The following XPC variants were observed in gnomAD, a reference collection of about 807,000 sequenced individuals.
XPC encodes the protein DNA repair protein complementing XP-C cells.
In XPC, 76 loss-of-function variants were observed where a neutral mutation model predicts 95.8. That is an observed-to-expected ratio of 0.79 (90% confidence interval 0.66 to 0.96). XPC has a LOEUF of 0.96. XPC is among the 40% of genes least tolerant of loss of function. XPC has a pLI of 0.00. For synonymous variants in XPC, 442 were observed against 442.1 expected (o/e 1.00, Z 0.00); for missense variants, 1,146 against 1,179.8 (o/e 0.97, Z 0.42).
In XPC at chr3:14,147,842, G is replaced by C. The variant is rs554663722; in HGVS notation, c.2514+66C>G. On this transcript the variant is annotated intron_variant, in intron 14 of 15. Coordinates refer to ENST00000285021, the MANE Select transcript of XPC (RefSeq NM_004628.5). ...AGCACACGGAGGCGGCCTGGGGAAG[G>C]AAGAGGCCACCCGCTGAGTGTTGCT... The C allele has an allele frequency of 4.1e-4, 598 of 1,456,470 alleles. 11 individuals carry two copies. The South Asian group carries it at 6.9e-3, about 17-fold the overall frequency. 90.2% of individuals were successfully genotyped at this position (1,456,470 alleles called of 1,614,324 possible).
At chr3:14,154,187 G>T (rs938357868) in intron 10 of XPC, among the ~76,000 whole-genome samples, 1 of 152,212 alleles carries the variant, frequency 6.6e-6, no homozygotes, top group African/African-American at 2.4e-5. Flanking sequence ...TGGACTGTCG[G>T]TGAAAATGTA....
chr3:14,145,792 C>A lies in XPC; in HGVS notation c.*149G>T. The A allele has an allele frequency of 3.0e-6, 3 of 997,520 alleles. No individual in the cohort carries two copies. Among genetic ancestry groups the A allele is most frequent in the Non-Finnish European group, 4.6e-6 (3 of 655,268 alleles). 61.8% of individuals were successfully genotyped at this position (997,520 alleles called of 1,614,324 possible). On this transcript the variant is annotated 3_prime_UTR_variant, in exon 16 of 16. Coordinates refer to ENST00000285021, the MANE Select transcript of XPC (RefSeq NM_004628.5). ...GCACCTCCTCAGCTTGGCCTCGTCT[C>A]CCCTGACCCCGCCTCCGTGCATGCT...
At chr3:14,178,369 T>G in intron 1 of XPC, 97 bp downstream of exon 1, 1 of 1,368,938 alleles carries the variant, frequency 7.3e-7, no homozygotes, top group Non-Finnish European at 9.6e-7. Flanking sequence ...CGCAGCAACC[T>G]CCACCAGGCC....
chr3:14,164,558 A>G (rs1232273101), intron 7 of XPC: 1 of 377,126 alleles, frequency 2.7e-6, no homozygotes, highest in Non-Finnish European at 4.7e-6. Flanking sequence ...GTACACCACA[A>G]CTAGAGGCGA....
chr3:14,165,612 A>G lies in XPC; in HGVS notation c.622-27T>C, dbSNP rs765869747. ...TGTGAAGAGGAAAGGAGGAAGGGGCAGCATGGAAGGAAGGCCGGACACCAG... is the reference window on the plus strand; with the variant it reads ...TGTGAAGAGGAAAGGAGGAAGGGGCGGCATGGAAGGAAGGCCGGACACCAG... On this transcript the variant is annotated intron_variant, in intron 5 of 15. Transcript: ENST00000285021. The G allele has an allele frequency of 3.7e-6, 6 of 1,611,544 alleles. No homozygotes were observed. In the East Asian group the frequency reaches 1.3e-4, roughly 36 times the overall value.
At position 14,146,562 on chromosome 3, in the gene XPC, G is replaced by A. The variant is rs141444921; in HGVS notation, c.2605-403C>T. On this transcript the variant is annotated intron_variant, in intron 15 of 15. Transcript: ENST00000285021. ...CCCTCGGAGCCCTAAGATCTGAGGC[G>A]GCACTCCCTGCCAGCTGGGATGGCT... Among the ~76,000 whole-genome samples the A allele has an allele frequency of 1.7e-3, 262 of 152,292 alleles. 3 individuals are homozygous for A. Among genetic ancestry groups the A allele is most frequent in the Non-Finnish European group, 7.5e-4 (51 of 68,018 alleles).
chr3:14,167,343 G>A (rs555247392), intron 4 of XPC, 90 bp from the exon 5 acceptor site: 1 of 1,130,044 alleles, frequency 8.8e-7, no homozygotes, highest in South Asian at 1.5e-5. Context: ...TCGGATGACA[G>A]TGAATCACTC....
intron 7 of XPC, among the ~76,000 whole-genome samples, chr3:14,163,022 T>A (rs1466863664): frequency 6.6e-6 from 1 of 152,220 alleles, no homozygotes; most frequent in Non-Finnish European, 1.5e-5. Context: ...ACACTCATCA[T>A]CATGTCATTG....
chr3:14,159,690 G>T, intron 8 of XPC, 51 bp downstream of exon 8: 1 of 1,491,076 alleles, frequency 6.7e-7, no homozygotes. Context: ...TTTTAAGTGT[G>T]ACAATTTCCT....
At chr3:14,148,224 G>A (rs954664569) in intron 13 of XPC, 1 of 579,536 alleles carries the variant, frequency 1.7e-6, no homozygotes, top group Non-Finnish European at 3.0e-6. Flanking sequence ...TGGGGTGAAA[G>A]CCCCTATCCA....
At chr3:14,164,715 G>T in intron 7 of XPC, 98 bp downstream of exon 7, 1 of 1,263,058 alleles carries the variant, frequency 7.9e-7, no homozygotes, top group Non-Finnish European at 1.1e-6. Context: ...GAATAAGGTA[G>T]TGTCGGTAAC....
chr3:14,171,503 T>C (rs921190997), intron 2 of XPC, among the ~76,000 whole-genome samples: 5 of 152,032 alleles, frequency 3.3e-5, no homozygotes, highest in Non-Finnish European at 7.4e-5. Context: ...ATTCAACTAG[T>C]GAGGGGAGGC....
chr3:14,168,075 C>A (rs1265227135), intron 4 of XPC, among the ~76,000 whole-genome samples, 182 bp downstream of exon 4: 1 of 152,158 alleles, frequency 6.6e-6, no homozygotes, highest in African/African-American at 2.4e-5. Flanking sequence ...CTCACCAGCC[C>A]CAGCCAGGAC....
chr3:14,159,385 G>C (rs964810259), intron 8 of XPC, among the ~76,000 whole-genome samples: 1 of 152,130 alleles, frequency 6.6e-6, no homozygotes, highest in African/African-American at 2.4e-5. Flanking sequence ...ACCCCAATGA[G>C]TACAGCATTT....
chr3:14,167,586 T>C (rs1696434474), intron 4 of XPC, among the ~76,000 whole-genome samples: 1 of 152,210 alleles, frequency 6.6e-6, no homozygotes, highest in South Asian at 2.1e-4. Context: ...ACTCTCTCCT[T>C]AGCAACCATT....
At chr3:14,150,120 T>G (rs1461020301) in intron 11 of XPC, 1 of 152,364 alleles carries the variant, frequency 6.6e-6, no homozygotes, top group East Asian at 1.9e-4. Context: ...GGACTCCCAG[T>G]GTGCTCCCCA....
At chr3:14,168,131 A>T in intron 4 of XPC, 126 bp downstream of exon 4, 1 of 1,328,306 alleles carries the variant, frequency 7.5e-7, no homozygotes, top group East Asian at 2.7e-5. Context: ...CAGGTTCCTG[A>T]CCCAAGGTTC....
intron 15 of XPC, 137 bp from the exon 16 acceptor site, chr3:14,146,296 A>G (rs1695434072): frequency 1.2e-6 from 1 of 804,214 alleles, no homozygotes; most frequent in Non-Finnish European, 2.0e-6. Flanking sequence ...GGGACAGGGC[A>G]GGGAGAGAGC....
intron 11 of XPC, chr3:14,151,411 A>G (rs1439128302): frequency 6.6e-6 from 1 of 152,236 alleles, no homozygotes; most frequent in Non-Finnish European, 1.5e-5. Flanking sequence ...TCAACTGAAC[A>G]CTGCTATGCT....
Sources: gnomAD v4.1 joint callset for allele counts (sites outside exome capture counted in the v4.1 genomes callset) on GRCh38, gnomAD v4.1.1 for gene constraint, MANE v1.5 for transcripts, NCBI Gene and HGNC (gene_info 2026-07-23, HGNC 2026-07-21) for gene names.